The following JAK1 variants were observed in gnomAD, a reference collection of about 807,000 sequenced individuals.
The protein encoded by JAK1 is Janus kinase 1.
JAK1 carries 16 observed loss-of-function variants against 136.6 expected under a neutral mutation model. That is an observed-to-expected ratio of 0.12 (90% CI 0.08 to 0.18). The LOEUF (loss-of-function observed/expected upper bound fraction) is 0.18, where lower values mean the gene tolerates loss of function less well. Among genes scored for constraint, JAK1 ranks in the 10% least tolerant of loss-of-function variants. The probability of loss-of-function intolerance (pLI) is 1.00; values close to 1 mark genes in which losing one functional copy is unlikely to be tolerated. For synonymous variants in JAK1, 492 were observed against 519.5 expected (o/e 0.95, Z 0.72); for missense variants, 859 against 1,450.1 (o/e 0.59, Z 6.62).
At chr1:64,867,958 T>C (rs1032669851) in intron 6 of JAK1, among the ~76,000 whole-genome samples, 1 of 151,444 alleles carries the variant, frequency 6.6e-6, no homozygotes, top group Admixed American at 6.6e-5. Context: ...CCATTGTACT[T>C]CAGCCTGGGC....
At chr1:64,956,312 G>A (rs1646187038) in intron 1 of JAK1, among the ~76,000 whole-genome samples, 1 of 152,202 alleles carries the variant, frequency 6.6e-6, no homozygotes, top group Admixed American at 6.5e-5. Flanking sequence ...TATCAATCTT[G>A]GAGCAGTTAA....
chr1:64,916,655 T>C (rs1425252331), intron 1 of JAK1, among the ~76,000 whole-genome samples: 1 of 151,952 alleles, frequency 6.6e-6, no homozygotes, highest in Non-Finnish European at 1.5e-5. Context: ...CTGACCAACA[T>C]AGTGAAACCC....
rs531871842 is a variant in JAK1, at chr1:64,911,378, C to T, written c.-77-25037G>A. On this transcript the variant is annotated intron_variant, in intron 1 of 24. Transcript: ENST00000342505. ...AACAACAGGTGTAAACTGGGGCTGC[C>T]CCAGGCAAACAGAGACATATGGTCA... Among the ~76,000 whole-genome samples, 38 of 152,216 alleles carry T rather than the reference C, an allele frequency of 2.5e-4. No homozygotes were observed. In the South Asian group the frequency reaches 2.9e-3, roughly 12 times the overall value.
chr1:64,953,600 C>A (rs917512020), intron 1 of JAK1, among the ~76,000 whole-genome samples: 29 of 152,182 alleles, frequency 1.9e-4, no homozygotes, highest in Admixed American at 4.6e-4. Flanking sequence ...ATATACCAAA[C>A]TTACTTTAGG....
rs368435316 is a variant in JAK1, at chr1:64,910,311, G to A, written c.-77-23970C>T. ...CACATAGACATTAAGGATGGGCTAC[G>A]AATTTGGCTTTGAGTTTCCTAGGGG... On this transcript the variant is annotated intron_variant, in intron 1 of 24. Transcript: ENST00000342505. 3.3e-4 allele frequency among the ~76,000 whole-genome samples: 50 copies of A among 152,156 alleles called. No individual in the cohort carries two copies. In the East Asian group the frequency reaches 8.3e-3, roughly 25 times the overall value.
At chr1:64,894,509 A>T (rs188941193) in intron 1 of JAK1, among the ~76,000 whole-genome samples, 1 of 152,338 alleles carries the variant, frequency 6.6e-6, no homozygotes, top group Admixed American at 6.5e-5. Context: ...CTGTAATCCC[A>T]GCACTTTGGG....
intron 1 of JAK1, among the ~76,000 whole-genome samples, chr1:65,058,716 CA>C (rs1395023157): frequency 2.0e-5 from 3 of 152,270 alleles, no homozygotes; most frequent in African/African-American, 7.2e-5. Flanking sequence ...GAAAGATGAA[CA>C]CATGACTTAT....
upstream of JAK1, among the ~76,000 whole-genome samples, chr1:64,970,151 A>AAAAAAAAAAAAAAAAAAC (rs1256701898): frequency 6.8e-6 from 1 of 148,140 alleles, no homozygotes; most frequent in African/African-American, 2.6e-5. Context: ...AAAAAAAAAA[A>AAAAAAAAAAAAAAAAAAC]AAAACGGCCG....
chr1:65,020,919 C>T (rs940029339), intron 2 of JAK1, among the ~76,000 whole-genome samples: 1 of 152,118 alleles, frequency 6.6e-6, no homozygotes, highest in Admixed American at 6.6e-5. Flanking sequence ...TTATTAGAAC[C>T]AGGAGATAGA....
rs79849868 is a variant in JAK1, at chr1:64,984,788, G to A, written c.-78+59692C>T. 38 of 1,032,992 alleles carry A rather than the reference G, an allele frequency of 3.7e-5. No homozygotes were observed. In the East Asian group the frequency reaches 3.8e-4, roughly 10 times the overall value. 64.0% of individuals were successfully genotyped at this position (1,032,992 alleles called of 1,614,324 possible). On this transcript the variant is annotated intron_variant, in intron 2 of 25. Coordinates refer to the JAK1 transcript ENST00000671954. This position sits in a 1 kb window ranked among gnomAD's most constrained non-coding sequence, Gnocchi z 4.1. ...AGATCAAGAAGGTAATGAGGAAGTC[G>A]GTGAAGATAATAAAAACGTAGGCTC...
At chr1:64,978,677 G>C (rs1000735735) in intron 2 of JAK1, among the ~76,000 whole-genome samples, 1 of 151,982 alleles carries the variant, frequency 6.6e-6, no homozygotes. Context: ...GATTGCTCTG[G>C]GCTGACTTAC....
chr1:64,905,932 T>G (rs977806831), intron 1 of JAK1, among the ~76,000 whole-genome samples: 5 of 152,186 alleles, frequency 3.3e-5, no homozygotes, highest in Non-Finnish European at 7.3e-5. Flanking sequence ...GGCCTCAATC[T>G]TCACTTTTTC....
chr1:65,015,534 GAA>G (rs1646885635), intron 2 of JAK1, among the ~76,000 whole-genome samples: 1 of 152,010 alleles, frequency 6.6e-6, no homozygotes, highest in Admixed American at 6.6e-5. Context: ...GAAGCAAAGA[GAA>G]AGCAAAATGT....
rs1646576904 is a variant in JAK1 at position 64,984,199 on chromosome 1, G to C, written c.-78+60281C>G. On this transcript the variant is annotated intron_variant, in intron 2 of 25. Transcript: ENST00000671954. This position sits in a 1 kb window ranked among gnomAD's most constrained non-coding sequence, Gnocchi z 4.1. ...TGTACAGCTGTATGGAAGTGAGGAA[G>C]GTGCTCTTACATAAACCCTGTCTGC... 1.3e-5 allele frequency among the ~76,000 whole-genome samples: 2 copies of C among 152,158 alleles called. No individual in the cohort carries two copies. Among genetic ancestry groups the C allele is most frequent in the African/African-American group, 4.8e-5 (2 of 41,420 alleles).
chr1:64,864,444 C>T (rs997985295), intron 8 of JAK1, among the ~76,000 whole-genome samples: 16 of 152,176 alleles, frequency 1.1e-4, no homozygotes, highest in African/African-American at 2.4e-4. Context: ...GCAGAGAGGC[C>T]GTGCCAGAAC....
At chr1:64,929,064 A>C (rs1296524062) in intron 1 of JAK1, among the ~76,000 whole-genome samples, 2 of 152,212 alleles carry the variant, frequency 1.3e-5, no homozygotes, top group African/African-American at 4.8e-5. Flanking sequence ...TCAGGCCTGT[A>C]CTTGTCTGGT....
At chr1:65,007,501 C>T (rs533450758) in intron 2 of JAK1, among the ~76,000 whole-genome samples, 2 of 152,172 alleles carry the variant, frequency 1.3e-5, no homozygotes, top group East Asian at 3.9e-4. Context: ...GCTCTTGTTG[C>T]CCAGGCTGGA....
intron 2 of JAK1, among the ~76,000 whole-genome samples, chr1:65,024,181 A>C (rs918387190): frequency 1.3e-5 from 2 of 152,178 alleles, no homozygotes; most frequent in Non-Finnish European, 2.9e-5. Flanking sequence ...AGGACCTGCC[A>C]GACTGTTTTC....
At chr1:64,969,531 T>G (rs980971537), upstream of JAK1, among the ~76,000 whole-genome samples, 7 of 151,920 alleles carry the variant, frequency 4.6e-5, no homozygotes, top group Non-Finnish European at 1.5e-5. Context: ...AGGGATAATG[T>G]GGAAGATGAA....
Sources: allele counts gnomAD v4.1 joint callset (sites outside exome capture counted in the v4.1 genomes callset), GRCh38; gene constraint gnomAD v4.1.1; non-coding constraint Gnocchi (gnomAD v3.1); transcripts MANE v1.5; gene names NCBI Gene and HGNC (gene_info 2026-07-23, HGNC 2026-07-21).